Variants in RASAL2 observed in about 807,000 individuals in gnomAD.
RASAL2 encodes the protein RAS protein activator like 2, also known as ras GTPase-activating protein nGAP.
RASAL2 carries 58 observed loss-of-function variants against 128.9 expected under a neutral mutation model. That is an observed-to-expected ratio of 0.45 (90% confidence interval 0.36 to 0.56). The LOEUF (loss-of-function observed/expected upper bound fraction) is 0.56, where lower values mean the gene tolerates loss of function less well. RASAL2 is among the 20% of genes least tolerant of loss of function. The pLI, the probability that RASAL2 is intolerant of heterozygous loss-of-function variation, is 0.00. For synonymous variants in RASAL2, 561 were observed against 580.8 expected, an observed-to-expected ratio of 0.97 and a Z score of 0.49; for missense variants, 1,360 against 1,601.6, an observed-to-expected ratio of 0.85 and a Z score of 2.57.
chr1:178,220,559 G>A (rs1663580093), intron 1 of RASAL2, among the ~76,000 whole-genome samples: 1 of 152,170 alleles, frequency 6.6e-6, no homozygotes, highest in Admixed American at 6.5e-5. Context: ...TGGAAGAATG[G>A]TGCCAACAGA....
chr1:178,287,803 A>G (rs1304307671), intron 2 of RASAL2, among the ~76,000 whole-genome samples: 1 of 152,188 alleles, frequency 6.6e-6, no homozygotes, highest in Non-Finnish European at 1.5e-5. Context: ...AATAAGAATG[A>G]TAACAATGGA....
At chr1:178,186,290 G>C (rs576993744) in intron 1 of RASAL2, among the ~76,000 whole-genome samples, 3 of 151,502 alleles carry the variant, frequency 2.0e-5, no homozygotes, top group Admixed American at 6.6e-5. Flanking sequence ...ATACTGGGTA[G>C]AGATTTATCT....
At chr1:178,104,393 C>T (rs559901471) in intron 1 of RASAL2, among the ~76,000 whole-genome samples, 3 of 152,078 alleles carry the variant, frequency 2.0e-5, no homozygotes, top group Non-Finnish European at 4.4e-5. Context: ...TATGAAAATA[C>T]AATTTTTAAT....
At chr1:178,264,664 C>G (rs1297631559) in intron 1 of RASAL2, among the ~76,000 whole-genome samples, 2 of 152,186 alleles carry the variant, frequency 1.3e-5, no homozygotes, top group South Asian at 4.1e-4. Context: ...AGGGCAGGTA[C>G]TTCTGTCCCT....
intron 1 of RASAL2, among the ~76,000 whole-genome samples, chr1:178,168,118 T>C (rs956711535): frequency 6.6e-6 from 1 of 152,110 alleles, no homozygotes; most frequent in Non-Finnish European, 1.5e-5. Flanking sequence ...AAAATTCCTT[T>C]AGCACCCACC....
chr1:178,217,257 G>A (rs1175571609), intron 1 of RASAL2, among the ~76,000 whole-genome samples: 1 of 152,212 alleles, frequency 6.6e-6, no homozygotes, highest in Non-Finnish European at 1.5e-5. Flanking sequence ...TTACAGGCAT[G>A]AGCCACTGCG....
chr1:178,307,174 T>C (rs1668035242), intron 3 of RASAL2, among the ~76,000 whole-genome samples: 1 of 152,078 alleles, frequency 6.6e-6, no homozygotes, highest in Non-Finnish European at 1.5e-5. Flanking sequence ...CAACGTATTA[T>C]GAGCATTATC....
chr1:178,388,739 G>C (rs966112305), intron 3 of RASAL2, among the ~76,000 whole-genome samples: 3 of 152,188 alleles, frequency 2.0e-5, no homozygotes, highest in African/African-American at 7.2e-5. Context: ...TGCATTACTG[G>C]ATCTGTGTAA....
At chr1:178,421,131 G>A (rs1259399230) in intron 5 of RASAL2, among the ~76,000 whole-genome samples, 2 of 148,636 alleles carry the variant, frequency 1.3e-5, no homozygotes, top group Non-Finnish European at 3.0e-5. Context: ...AGCAAAAATG[G>A]TATTTGAACT....
chr1:178,318,213 C>G lies in RASAL2; in HGVS notation c.457+18095C>G, dbSNP rs1250751132. Among the ~76,000 whole-genome samples, 8 of 149,530 alleles carry G rather than the reference C, an allele frequency of 5.4e-5. No homozygotes were observed. The East Asian group carries it at 5.9e-4, about 11-fold the overall frequency. On this transcript the variant is annotated intron_variant, in intron 3 of 17. Coordinates refer to ENST00000367649, the MANE Select transcript of RASAL2 (RefSeq NM_170692.4). ...TTGCTGAGGAGAGCTTTACTTCCAA[C>G]TATGTGGTCAATTTTGGAATAGGTG...
intron 3 of RASAL2, among the ~76,000 whole-genome samples, chr1:178,310,821 T>G (rs551244058): frequency 6.6e-6 from 1 of 152,312 alleles, no homozygotes; most frequent in African/African-American, 2.4e-5. Context: ...TTCATAAAAT[T>G]TCCAGTAGAT....
chr1:178,408,998 G>T (rs751774611), intron 4 of RASAL2, among the ~76,000 whole-genome samples: 1 of 152,138 alleles, frequency 6.6e-6, no homozygotes, highest in African/African-American at 2.4e-5. Flanking sequence ...CAGTTCCACA[G>T]CCTTAACAGG....
chr1:178,146,318 G>A (rs1351199197), intron 1 of RASAL2, among the ~76,000 whole-genome samples: 1 of 152,200 alleles, frequency 6.6e-6, no homozygotes, highest in African/African-American at 2.4e-5. Flanking sequence ...GTCCTAAGAG[G>A]ATTTTGAGTT....
intron 4 of RASAL2, among the ~76,000 whole-genome samples, chr1:178,405,904 CATT>C (rs1477022699): frequency 6.6e-6 from 1 of 152,110 alleles, no homozygotes. Context: ...AAGATAATAA[CATT>C]AGGGGAAGCT....
chr1:178,144,615 T>C lies in RASAL2; in HGVS notation c.202+49921T>C, dbSNP rs138081050. On this transcript the variant is annotated intron_variant, in intron 1 of 17. Coordinates refer to ENST00000367649, the MANE Select transcript of RASAL2 (RefSeq NM_170692.4). ...ACTTTTTTAGGTTATTTAAGTATTT[T>C]TGACATCTCTTTTTGGGAATGGGGT... Among the ~76,000 whole-genome samples the C allele has an allele frequency of 7.4e-3, 1,124 of 152,298 alleles. 9 individuals carry two copies. The highest frequency in any genetic ancestry group is 0.012 in the Non-Finnish European group (810 of 68,000).
Position 178,426,824 on chromosome 1 carries a change from T to TA in RASAL2, c.674+6205dup, listed in dbSNP as rs1675546532. ...AAACTGAGGAGTTTGGATTTTAGCC[T>TA]ATAAGAAACAAGGAGCCTTTAAACA... On this transcript the variant is annotated intron_variant, in intron 5 of 17. Transcript: ENST00000367649. Among the ~76,000 whole-genome samples the TA allele has an allele frequency of 2.6e-5, 4 of 152,214 alleles. No homozygotes were observed. In the South Asian group the frequency reaches 8.3e-4, roughly 32 times the overall value.
chr1:178,201,464 C>T (rs756630828), intron 1 of RASAL2, among the ~76,000 whole-genome samples: 3 of 152,110 alleles, frequency 2.0e-5, no homozygotes, highest in South Asian at 2.1e-4. Flanking sequence ...ATACCCTTAG[C>T]GAAATGGATT....
At chr1:178,447,175 A>T (rs188266491) in intron 9 of RASAL2, among the ~76,000 whole-genome samples, 9 of 152,142 alleles carry the variant, frequency 5.9e-5, no homozygotes, top group African/African-American at 1.9e-4. Flanking sequence ...GACGAGTTGT[A>T]TCCAGGCATG....
intron 1 of RASAL2, among the ~76,000 whole-genome samples, chr1:178,135,682 T>TA (rs1410834314): frequency 6.6e-6 from 1 of 152,162 alleles, no homozygotes; most frequent in Non-Finnish European, 1.5e-5. Flanking sequence ...GATAAAGACA[T>TA]ACCTGAGACT....
Sources: allele counts gnomAD v4.1 joint callset (sites outside exome capture counted in the v4.1 genomes callset), GRCh38; gene constraint gnomAD v4.1.1; transcripts MANE v1.5; gene names NCBI Gene and HGNC (gene_info 2026-07-23, HGNC 2026-07-21).